Variants in KLRD1 observed in about 807,000 individuals in gnomAD.
The protein encoded by KLRD1 is killer cell lectin like receptor D1.
In KLRD1, 21 loss-of-function variants were observed where a neutral mutation model predicts 22.6. The ratio of observed to expected loss-of-function variants is 0.93; its 90% CI spans 0.66 to 1.34. The LOEUF is 1.34. Among genes scored for constraint, KLRD1 ranks in the 40% most tolerant of loss-of-function variants. The pLI, the probability that KLRD1 is intolerant of heterozygous loss-of-function variation, is 0.00. For missense variants in KLRD1, 183 were observed against 208.6 expected (o/e 0.88, Z 0.76); for synonymous variants, 59 against 71.1 (o/e 0.83, Z 0.85).
chr12:10,325,517 G>T lies in KLRD1; in HGVS notation c.*10724G>T, dbSNP rs77639478. The stretch of plus-strand genomic sequence containing the variant: ...GGCTTTATGCCCTTTGATTAACGAC[G>T]TCCCATTTTTTCCTCTCTCCATTCC... On this transcript the variant is annotated 3_prime_UTR_variant, in exon 6 of 6. Coordinates refer to ENST00000336164, the MANE Select transcript of KLRD1 (RefSeq NM_002262.5). The T allele has an allele frequency of 6.6e-6, 1 of 151,998 alleles. No homozygotes were observed. The highest frequency in any genetic ancestry group is 2.1e-4 in the South Asian group (1 of 4,828). 9.4% of individuals were successfully genotyped at this position (151,998 alleles called of 1,614,324 possible).
At chr12:10,290,791 G>A (rs1361121016) in intron 1 of KLRD1, among the ~76,000 whole-genome samples, 1 of 152,084 alleles carries the variant, frequency 6.6e-6, no homozygotes, top group Non-Finnish European at 1.5e-5. Flanking sequence ...TGTGATGATG[G>A]TTACATGAAT....
upstream of KLRD1, among the ~76,000 whole-genome samples, chr12:10,307,485 A>T (rs1370199970): frequency 1.3e-5 from 2 of 152,094 alleles, no homozygotes; most frequent in Non-Finnish European, 2.9e-5. Flanking sequence ...TTTCTCTTTG[A>T]TAGATTGAAG....
Position 10,325,614 on chromosome 12 carries a change from A to C in KLRD1, c.*10821A>C, listed in dbSNP as rs147223051. 6.6e-6 allele frequency: 1 copy of C among 152,356 alleles called. No individual in the cohort carries two copies. Among genetic ancestry groups the C allele is most frequent in the East Asian group, 1.9e-4 (1 of 5,188 alleles). 9.4% of individuals were successfully genotyped at this position (152,356 alleles called of 1,614,324 possible). Reference sequence around the variant, plus strand: ...AGATATTTCACGTAAGTGGAATCATATAGTATTTATCCTGTGACTTGTTTA... The same window carrying C: ...AGATATTTCACGTAAGTGGAATCATCTAGTATTTATCCTGTGACTTGTTTA... On this transcript the variant is annotated 3_prime_UTR_variant, in exon 6 of 6. Transcript: ENST00000336164.
At chr12:10,304,035 C>T (rs150961430), upstream of KLRD1, among the ~76,000 whole-genome samples, 1,345 of 152,220 alleles carry the variant, frequency 8.8e-3, 31 homozygotes, top group African/African-American at 0.031. Flanking sequence ...CAAAACTTAA[C>T]CAGTTCTTCA....
intron 1 of KLRD1, among the ~76,000 whole-genome samples, chr12:10,240,193 T>C (rs1032846983): frequency 6.6e-5 from 10 of 151,994 alleles, no homozygotes; most frequent in African/African-American, 2.4e-4. Flanking sequence ...CCCAAGTCGC[T>C]GGGACCACAG....
At chr12:10,270,575 C>T (rs974728347) in intron 1 of KLRD1, among the ~76,000 whole-genome samples, 8 of 152,094 alleles carry the variant, frequency 5.3e-5, no homozygotes, top group Non-Finnish European at 8.8e-5. Context: ...ATGGGAGCAC[C>T]GTGCTGTGGG....
intron 1 of KLRD1, among the ~76,000 whole-genome samples, chr12:10,244,957 A>G (rs528773484): frequency 6.6e-6 from 1 of 152,142 alleles, no homozygotes; most frequent in Non-Finnish European, 1.5e-5. Flanking sequence ...GCTTTGTGTA[A>G]AGCATTTGCG....
Position 10,319,832 on chromosome 12 carries a change from T to G in KLRD1, c.*5039T>G, listed in dbSNP as rs932515878. The G allele has an allele frequency of 2.0e-5, 3 of 151,522 alleles. No individual in the cohort carries two copies. The highest frequency in any genetic ancestry group is 7.3e-5 in the African/African-American group (3 of 41,168). The allele number at this position is 151,522 out of a possible 1,614,324, so 9.4% of individuals were successfully genotyped here. On this transcript the variant is annotated 3_prime_UTR_variant, in exon 6 of 6. Coordinates refer to ENST00000336164, the MANE Select transcript of KLRD1 (RefSeq NM_002262.5). ...TATGCTGTTCGAGGATTCCTCACTC[T>G]CAGAAGCTGTGTGAAATAGTAAAGT...
Position 10,311,540 on chromosome 12 carries a change from A to C in KLRD1, c.240A>C (p.Lys80Asn). The C allele has an allele frequency of 6.2e-7, 1 of 1,614,116 alleles. No homozygotes were observed. The highest frequency in any genetic ancestry group is 8.5e-7 in the Non-Finnish European group (1 of 1,179,952). Residue 80 changes from lysine (K) to asparagine (N), a missense_variant, in exon 4 of 6, where the codon AAA (lysine) becomes AAC (asparagine). By Grantham distance (94) the Lys-to-Asn change is moderately conservative (BLOSUM62 0). Transcript: ENST00000336164. ...GTTACTTCATTTCCAGTGAACAGAA[A>C]ACTTGGAACGAAAGTCGGCATCTCT... is the stretch of plus-strand genomic sequence containing the variant. ...CNCYFISSEQKTWNESRHLCA... is the reference protein window; with the variant it reads ...CNCYFISSEQNTWNESRHLCA...
upstream of KLRD1, among the ~76,000 whole-genome samples, chr12:10,306,359 A>G (rs945358428): frequency 6.6e-6 from 1 of 152,154 alleles, no homozygotes; most frequent in Admixed American, 6.6e-5. Context: ...TTTCTAAGTC[A>G]GTGAACTAAG....
upstream of KLRD1, among the ~76,000 whole-genome samples, chr12:10,306,584 G>C (rs1449511052): frequency 1.3e-5 from 2 of 152,114 alleles, no homozygotes; most frequent in African/African-American, 4.8e-5. Flanking sequence ...TTACATGGGG[G>C]AAAAATAGTA....
chr12:10,303,676 T>C (rs1949886119), upstream of KLRD1, among the ~76,000 whole-genome samples: 1 of 152,188 alleles, frequency 6.6e-6, no homozygotes, highest in South Asian at 2.1e-4. Flanking sequence ...GGGGACATAT[T>C]TTAGTCTCCT....
upstream of KLRD1, among the ~76,000 whole-genome samples, chr12:10,306,084 G>A (rs1949920971): frequency 6.6e-6 from 1 of 152,164 alleles, no homozygotes; most frequent in African/African-American, 2.4e-5. Context: ...CAGGAGAATG[G>A]CGTGAACACG....
intron 1 of KLRD1, among the ~76,000 whole-genome samples, chr12:10,259,866 T>C (rs1260506399): frequency 6.6e-6 from 1 of 152,168 alleles, no homozygotes; most frequent in Non-Finnish European, 1.5e-5. Flanking sequence ...CTTGGGAGGC[T>C]GAGGCAGGAG....
chr12:10,269,242 C>T (rs756451663), intron 1 of KLRD1, among the ~76,000 whole-genome samples: 3 of 152,074 alleles, frequency 2.0e-5, no homozygotes, highest in Admixed American at 6.6e-5. Flanking sequence ...CCTTCACCTC[C>T]CAGGTTCAAG....
intron 1 of KLRD1, among the ~76,000 whole-genome samples, chr12:10,248,448 A>G (rs1949312760): frequency 6.6e-6 from 1 of 152,084 alleles, no homozygotes; most frequent in African/African-American, 2.4e-5. Flanking sequence ...TGTCTGCTTT[A>G]TTGACACTAA....
chr12:10,298,964 T>C (rs1949844842), intron 1 of KLRD1, among the ~76,000 whole-genome samples: 1 of 152,200 alleles, frequency 6.6e-6, no homozygotes, highest in Non-Finnish European at 1.5e-5. Flanking sequence ...GGTTAGGGTC[T>C]CCACGACTGA....
At chr12:10,313,896 T>G (rs1950158964) in intron 5 of KLRD1, among the ~76,000 whole-genome samples, 1 of 152,072 alleles carries the variant, frequency 6.6e-6, no homozygotes, top group South Asian at 2.1e-4. Flanking sequence ...ATGCATAAGC[T>G]CTCTTAGTTC....
Position 10,309,680 on chromosome 12 carries a change from T to C in KLRD1, c.155T>C (p.Leu52Pro). The change falls in exon 3 of 6, where the codon CTC becomes CCC. Residue 52 changes from leucine (L) to proline (P), a missense_variant. By Grantham distance (98) the Leu-to-Pro change is moderately conservative. Transcript: ENST00000336164. ...PAFTPGPNIE[L>P]QKDSDCCSCQ... ...TTTACTCCAGGACCCAACATAGAAC[T>C]CCAGAAAGGTAGGTCACATTTTTTG... 6.2e-7 allele frequency: 1 copy of C among 1,611,628 alleles called. No individual in the cohort carries two copies. Among genetic ancestry groups the C allele is most frequent in the Non-Finnish European group, 8.5e-7 (1 of 1,177,996 alleles).
Sources: allele counts gnomAD v4.1 joint callset (sites outside exome capture counted in the v4.1 genomes callset), GRCh38; gene constraint gnomAD v4.1.1; transcripts MANE v1.5; gene names NCBI Gene and HGNC (gene_info 2026-07-23, HGNC 2026-07-21).